BMPER: variants seen among roughly 807,000 people sequenced by gnomAD.
The protein encoded by BMPER is BMP binding endothelial regulator, also known as BMP-binding endothelial regulator protein.
BMPER carries 45 observed loss-of-function variants against 87.3 expected under a neutral mutation model. The observed-to-expected ratio is 0.52, with a 90% CI of 0.41 to 0.66. The LOEUF is 0.66. BMPER is among the 30% of genes least tolerant of loss of function. The pLI is 0.00. For synonymous variants in BMPER, 326 were observed against 316.2 expected (o/e 1.03, Z -0.33); for missense variants, 784 against 867.5 (o/e 0.90, Z 1.21).
intron 2 of BMPER, among the ~76,000 whole-genome samples, chr7:33,909,767 G>A (rs763604573): frequency 2.0e-5 from 3 of 151,512 alleles, no homozygotes; most frequent in Non-Finnish European, 4.4e-5. Flanking sequence ...GAAATAGGTG[G>A]CACAAAGTCC....
intron 10 of BMPER, among the ~76,000 whole-genome samples, chr7:34,059,566 C>T (rs1315722153): frequency 7.1e-6 from 1 of 141,014 alleles, no homozygotes; most frequent in East Asian, 2.1e-4. Flanking sequence ...CCTGCCAAGG[C>T]CCCGGCCTCA....
chr7:34,037,200 T>C (rs1333091423), intron 6 of BMPER, among the ~76,000 whole-genome samples: 1 of 152,064 alleles, frequency 6.6e-6, no homozygotes, highest in Non-Finnish European at 1.5e-5. Context: ...AGTTGTCTCT[T>C]AAAAACAAAC....
At chr7:34,033,596 C>T (rs1436787905) in intron 6 of BMPER, among the ~76,000 whole-genome samples, 2 of 152,232 alleles carry the variant, frequency 1.3e-5, no homozygotes, top group Non-Finnish European at 2.9e-5. Context: ...GATGATCTTT[C>T]TGAACTTCTA....
intron 13 of BMPER, among the ~76,000 whole-genome samples, chr7:34,113,657 G>A (rs991998375): frequency 2.0e-5 from 3 of 151,962 alleles, no homozygotes; most frequent in African/African-American, 4.8e-5. Context: ...CATAGATTAA[G>A]TTCTTCATCA....
intron 6 of BMPER, among the ~76,000 whole-genome samples, chr7:34,039,455 G>A (rs1787772786): frequency 6.6e-6 from 1 of 152,118 alleles, no homozygotes; most frequent in Admixed American, 6.6e-5. Flanking sequence ...AATGAAGGGT[G>A]CCACTGCCAT....
Position 33,905,709 on chromosome 7 carries a change from G to A in BMPER, c.96G>A (p.Ser32=), listed in dbSNP as rs1329165331. The change falls in exon 1 of 15, where the codon TCG becomes TCA. Residue 32 remains serine (S), a synonymous_variant. Coordinates refer to ENST00000649409, the MANE Select transcript of BMPER (RefSeq NM_001365308.1). ...GCGTCTTGCTGCTACTCAATTGCTCGGGGGTCCCCATGTCTCTGGCTTCCT... is the reference window on the plus strand; with the variant it reads ...GCGTCTTGCTGCTACTCAATTGCTCAGGGGTCCCCATGTCTCTGGCTTCCT... ...TCCVLLLLNC[S]GVPMSLASSF... 1 of 1,613,364 alleles carries A rather than the reference G, an allele frequency of 6.2e-7. No homozygotes were observed. Among genetic ancestry groups the A allele is most frequent in the Admixed American group, 1.7e-5 (1 of 59,994 alleles).
intron 13 of BMPER, among the ~76,000 whole-genome samples, chr7:34,132,004 T>G (rs1417375976): frequency 6.6e-6 from 1 of 152,120 alleles, no homozygotes; most frequent in Non-Finnish European, 1.5e-5. Flanking sequence ...AGATTTTCAT[T>G]TACCTTCTGA....
At chr7:34,149,803 A>T (rs1194255986) in intron 14 of BMPER, among the ~76,000 whole-genome samples, 1 of 148,474 alleles carries the variant, frequency 6.7e-6, no homozygotes, top group Non-Finnish European at 1.5e-5. Flanking sequence ...TTTGGAGGGA[A>T]CTGCTTCAGT....
intron 6 of BMPER, among the ~76,000 whole-genome samples, chr7:34,024,356 T>A (rs1277107818): frequency 7.9e-5 from 1 of 12,694 alleles, no homozygotes; most frequent in Non-Finnish European, 1.2e-4. Context: ...AAACTCTGTC[T>A]CAAAAAAAAA....
intron 2 of BMPER, chr7:33,922,005 G>A (rs1784244750): frequency 2.8e-6 from 1 of 354,776 alleles, no homozygotes; most frequent in South Asian, 2.1e-5. Flanking sequence ...CCTTCCTCGT[G>A]CAGAATAAAG....
intron 13 of BMPER, among the ~76,000 whole-genome samples, chr7:34,094,855 T>C (rs1163958371): frequency 6.6e-6 from 1 of 152,188 alleles, no homozygotes; most frequent in Non-Finnish European, 1.5e-5. Flanking sequence ...AATATAATTT[T>C]ATTATAGAAG....
chr7:34,064,620 C>T (rs1562720099), intron 11 of BMPER, among the ~76,000 whole-genome samples: 1 of 152,232 alleles, frequency 6.6e-6, no homozygotes, highest in Non-Finnish European at 1.5e-5. Flanking sequence ...GAAGGCCACC[C>T]AGCTGGAGGG....
At chr7:33,947,369 TATTA>T (rs1784914168) in intron 3 of BMPER, among the ~76,000 whole-genome samples, 1 of 152,316 alleles carries the variant, frequency 6.6e-6, no homozygotes, top group Non-Finnish European at 1.5e-5. Flanking sequence ...GAGCATGAAA[TATTA>T]ATTGTCCACA....
chr7:34,004,350 G>A (rs181662527), intron 6 of BMPER, among the ~76,000 whole-genome samples: 2 of 151,856 alleles, frequency 1.3e-5, no homozygotes, highest in African/African-American at 4.8e-5. Context: ...TATAATAGCT[G>A]GTTTAAAGTC....
intron 3 of BMPER, among the ~76,000 whole-genome samples, chr7:33,948,246 A>C (rs976496876): frequency 6.6e-6 from 1 of 152,224 alleles, no homozygotes; most frequent in African/African-American, 2.4e-5. Flanking sequence ...TTCCCCTAAA[A>C]GGTCTGCTAA....
intron 13 of BMPER, among the ~76,000 whole-genome samples, chr7:34,110,208 G>C (rs1466326252): frequency 2.0e-5 from 3 of 152,138 alleles, no homozygotes; most frequent in Non-Finnish European, 4.4e-5. Context: ...CGTGGGCAAA[G>C]GACACCTGGC....
chr7:34,010,472 T>A (rs1287309622), intron 6 of BMPER, among the ~76,000 whole-genome samples: 2 of 151,986 alleles, frequency 1.3e-5, no homozygotes, highest in African/African-American at 4.8e-5. Context: ...AACAATTTCA[T>A]TCACCCTAAT....
intron 11 of BMPER, among the ~76,000 whole-genome samples, chr7:34,077,603 A>T (rs1332221989): frequency 6.6e-6 from 1 of 152,262 alleles, no homozygotes; most frequent in Admixed American, 6.5e-5. Flanking sequence ...AAATTAATTT[A>T]TTAAGTTCCA....
chr7:34,044,504 C>T (rs902419141), intron 6 of BMPER, among the ~76,000 whole-genome samples: 25 of 152,114 alleles, frequency 1.6e-4, no homozygotes, highest in Non-Finnish European at 2.9e-4. Context: ...AGGGCAGCAT[C>T]TTGGGTCCTC....
Sources: gnomAD v4.1 joint callset for allele counts (sites outside exome capture counted in the v4.1 genomes callset) on GRCh38, gnomAD v4.1.1 for gene constraint, MANE v1.5 for transcripts, NCBI Gene and HGNC (gene_info 2026-07-23, HGNC 2026-07-21) for gene names.